Variants in FAM76A observed in about 807,000 individuals in gnomAD.
FAM76A encodes the protein family with sequence similarity 76 member A.
Under a neutral mutation model 46.2 loss-of-function variants are expected in FAM76A, and 32 were observed. The ratio of observed to expected loss-of-function variants is 0.69; its 90% CI spans 0.52 to 0.93. The LOEUF (loss-of-function observed/expected upper bound fraction) is 0.93. FAM76A is among the 40% of genes least tolerant of loss of function. The pLI is 0.00. For synonymous variants in FAM76A, 137 were observed against 127.0 expected (o/e 1.08, Z -0.53); for missense variants, 274 against 361.5 (o/e 0.76, Z 1.96).
chr1:27,741,196 T>G (rs1340782987), intron 4 of FAM76A, among the ~76,000 whole-genome samples: 6 of 145,092 alleles, frequency 4.1e-5, no homozygotes, highest in Non-Finnish European at 9.1e-5. Flanking sequence ...AGATTTGATT[T>G]TTTTTTTTTT....
chr1:27,743,389 C>T (rs938582578), intron 4 of FAM76A, among the ~76,000 whole-genome samples: 2 of 152,172 alleles, frequency 1.3e-5, no homozygotes, highest in Admixed American at 6.5e-5. Flanking sequence ...CTTGGGCTCA[C>T]GCAGTCCACC....
chr1:27,744,611 C>T (rs200519590), intron 4 of FAM76A, 43 bp from the exon 5 acceptor site: 312 of 1,605,554 alleles, frequency 1.9e-4, no homozygotes, highest in African/African-American at 1.7e-3. Context: ...GCAGCCACTG[C>T]GCTAAATTCC....
intron 4 of FAM76A, among the ~76,000 whole-genome samples, chr1:27,736,303 C>T (rs1034235134): frequency 6.6e-6 from 1 of 152,110 alleles, no homozygotes. Flanking sequence ...GCCTGGGCAA[C>T]AGAGCAAGAC....
chr1:27,759,448 G>T, intron 7 of FAM76A, 78 bp from the exon 8 acceptor site: 1 of 870,562 alleles, frequency 1.1e-6, no homozygotes, highest in South Asian at 1.7e-5. Context: ...TAATTTGGGT[G>T]ACCATTTAGC....
rs2088352512 is a variant in FAM76A, at chr1:27,752,837, C to T, written c.600-2358C>T. On this transcript the variant is annotated intron_variant, in intron 6 of 8. Transcript: ENST00000373954. ...TTACCCTAGCCATCTTTTTTCATTT[C>T]TAGTAGTTCTTACTGAACCAGGAAT... Among the ~76,000 whole-genome samples, 5 of 152,250 alleles carry T rather than the reference C, an allele frequency of 3.3e-5. No individual in the cohort carries two copies. The South Asian group carries it at 1.0e-3, about 32-fold the overall frequency.
rs546590767 is a variant in FAM76A, at chr1:27,727,592, G to T, written c.146+56G>T. The T allele has an allele frequency of 9.2e-6, 12 of 1,299,718 alleles. No homozygotes were observed. The South Asian group carries it at 1.5e-4, about 16-fold the overall frequency. The allele number at this position is 1,299,718 out of a possible 1,614,324, so 80.5% of individuals were successfully genotyped here. A position where few individuals can be genotyped will look rare whatever the true frequency, so the allele number is the denominator to read the frequency against. On this transcript the variant is annotated intron_variant, in intron 2 of 8. Transcript: ENST00000373954. ...ATAGGCTTTTTTCCTCTTAAAATCTGTAATTGATTGCATTTCATGTACAGA... is the reference window on the plus strand; with the variant it reads ...ATAGGCTTTTTTCCTCTTAAAATCTTTAATTGATTGCATTTCATGTACAGA...
intron 4 of FAM76A, among the ~76,000 whole-genome samples, chr1:27,743,250 A>C (rs940434565): frequency 2.6e-5 from 4 of 152,174 alleles, no homozygotes; most frequent in Admixed American, 6.5e-5. Context: ...TCCCAGGCTC[A>C]AGTGATTCTC....
At position 27,759,523 on chromosome 1, in the gene FAM76A, CA is replaced by C. The variant is rs1288919417; in HGVS notation, c.736-2del. The stretch of plus-strand genomic sequence containing the variant: ...TCTGGTTATTCTGCCTTGTTTCCCT[CA>C]GATTACAGAGTTGAAGGCTGATTTT... On this transcript the variant is annotated splice_acceptor_variant, in intron 7 of 8. Transcript: ENST00000373954. LOFTEE classifies it high-confidence loss of function. The C allele has an allele frequency of 5.6e-6, 9 of 1,599,738 alleles. No homozygotes were observed. Among genetic ancestry groups the C allele is most frequent in the Non-Finnish European group, 7.7e-6 (9 of 1,173,572 alleles).
intron 3 of FAM76A, 99 bp from the exon 4 acceptor site, chr1:27,733,932 C>A: frequency 8.7e-7 from 1 of 1,152,502 alleles, no homozygotes; most frequent in Non-Finnish European, 1.2e-6. Flanking sequence ...TACATTTGTA[C>A]CATGACTAAT....
intron 4 of FAM76A, 122 bp from the exon 5 acceptor site, chr1:27,744,532 C>T: frequency 9.8e-7 from 1 of 1,017,810 alleles, no homozygotes; most frequent in East Asian, 2.4e-5. Flanking sequence ...GTGACATGCC[C>T]AAAGTCACAG....
intron 6 of FAM76A, among the ~76,000 whole-genome samples, chr1:27,751,132 A>AG (rs1341532381): frequency 6.6e-6 from 1 of 151,780 alleles, no homozygotes; most frequent in East Asian, 1.9e-4. Context: ...GAGCCTAGGC[A>AG]GTGAGACTCT....
chr1:27,728,096 A>C (rs1294025882), intron 2 of FAM76A, among the ~76,000 whole-genome samples: 2 of 152,032 alleles, frequency 1.3e-5, no homozygotes, highest in Non-Finnish European at 2.9e-5. Context: ...GTGAGCCACC[A>C]CGCCCAGCCT....
Position 27,744,656 on chromosome 1 carries a change from A to C in FAM76A, c.357A>C (p.Val119=), listed in dbSNP as rs778036452. Residue 119 remains valine (V), a splice_region_variant and synonymous_variant, in exon 5 of 9, where the codon GTA becomes GTC. Coordinates refer to ENST00000373954, the MANE Select transcript of FAM76A (RefSeq NM_152660.3). ...ATCTTTGTCTCCTTGTCTTTCAGGTAGATGGGAAATTGCTGTGCTGGCTGT... is the reference window on the plus strand; with the variant it reads ...ATCTTTGTCTCCTTGTCTTTCAGGTCGATGGGAAATTGCTGTGCTGGCTGT... ...AFDRKDDRKK[V]DGKLLCWLCT... is the part of the protein sequence containing the mutation. 14 of 1,613,808 alleles carry C rather than the reference A, an allele frequency of 8.7e-6. No individual in the cohort carries two copies. In the South Asian group the frequency reaches 1.5e-4, roughly 18 times the overall value.
Position 27,756,409 on chromosome 1 carries a change from A to G in FAM76A, c.735+1079A>G, listed in dbSNP as rs144861384. Among the ~76,000 whole-genome samples, 40 of 151,654 alleles carry G rather than the reference A, an allele frequency of 2.6e-4. No homozygotes were observed. The East Asian group carries it at 7.2e-3, about 27-fold the overall frequency. On this transcript the variant is annotated intron_variant, in intron 7 of 8. Transcript: ENST00000373954. ...GAGTTCAAGCGATTCTCCTACCTCAACCTCTCAAGTAGCTGGGATTACAGG... is the reference window on the plus strand; with the variant it reads ...GAGTTCAAGCGATTCTCCTACCTCAGCCTCTCAAGTAGCTGGGATTACAGG...
At chr1:27,748,120 GTTTTTTTTTTTT>G (rs775627660) in intron 5 of FAM76A, among the ~76,000 whole-genome samples, 3 of 108,344 alleles carry the variant, frequency 2.8e-5, no homozygotes, top group Non-Finnish European at 5.3e-5. Context: ...TGTAAAAGAA[GTTTTTTTTTTTT>G]TTTTTTTTTT....
chr1:27,737,570 G>A (rs1420504130), intron 4 of FAM76A, among the ~76,000 whole-genome samples: 4 of 151,606 alleles, frequency 2.6e-5, no homozygotes, highest in South Asian at 2.1e-4. Context: ...CAAAAATCTC[G>A]GCCGGGCACG....
intron 6 of FAM76A, among the ~76,000 whole-genome samples, chr1:27,749,751 G>A (rs912161933): frequency 3.3e-5 from 5 of 152,200 alleles, no homozygotes; most frequent in Admixed American, 6.6e-5. Context: ...TTGATCTTGA[G>A]AGGTAAAGAC....
chr1:27,753,400 G>A (rs1321819896), intron 6 of FAM76A, among the ~76,000 whole-genome samples: 1 of 152,164 alleles, frequency 6.6e-6, no homozygotes, highest in African/African-American at 2.4e-5. Context: ...AGAAAGACAG[G>A]TCCTTAGCAG....
chr1:27,755,152 A>T, intron 6 of FAM76A, 43 bp from the exon 7 acceptor site: 1 of 1,609,158 alleles, frequency 6.2e-7, no homozygotes, highest in Non-Finnish European at 8.5e-7. Context: ...AGAAAAGTTT[A>T]TCCATCCAAG....
Sources: gnomAD v4.1 joint callset for allele counts (sites outside exome capture counted in the v4.1 genomes callset) on GRCh38, gnomAD v4.1.1 for gene constraint, MANE v1.5 for transcripts, NCBI Gene and HGNC (gene_info 2026-07-23, HGNC 2026-07-21) for gene names.